Variants in CCDC33 observed in about 807,000 individuals in gnomAD.
CCDC33 encodes the protein coiled-coil domain containing 33.
A neutral mutation model predicts 91.9 loss-of-function variants in CCDC33; 94 were observed. That is an observed-to-expected ratio of 1.02 (90% CI 0.87 to 1.21). The LOEUF is 1.21. Ranked by LOEUF, CCDC33 falls within the 50% of genes most tolerant of loss-of-function variation. The probability of loss-of-function intolerance (pLI) is 0.00; values close to 1 mark genes in which losing one functional copy is unlikely to be tolerated. For synonymous variants in CCDC33, 396 were observed against 374.5 expected (o/e 1.06, Z -0.66); for missense variants, 940 against 935.5 (o/e 1.00, Z -0.06).
At chr15:74,327,432 C>T (rs2060332523) in intron 11 of CCDC33, among the ~76,000 whole-genome samples, 1 of 152,040 alleles carries the variant, frequency 6.6e-6, no homozygotes, top group Non-Finnish European at 1.5e-5. Context: ...GTCAGGAGTT[C>T]GAGACTAGCC....
intron 3 of CCDC33, among the ~76,000 whole-genome samples, chr15:74,265,113 G>C (rs1004161516): frequency 6.6e-6 from 1 of 152,164 alleles, no homozygotes; most frequent in Non-Finnish European, 1.5e-5. Context: ...AAAGCCCTCA[G>C]CTTCCTTCTC....
intron 10 of CCDC33, among the ~76,000 whole-genome samples, chr15:74,286,065 G>A (rs1315258922): frequency 1.3e-5 from 2 of 152,142 alleles, no homozygotes; most frequent in Non-Finnish European, 2.9e-5. Context: ...GGCCAACATG[G>A]TGAAACCCTG....
At chr15:74,267,446 C>T (rs1284011090) in intron 4 of CCDC33, among the ~76,000 whole-genome samples, 2 of 152,218 alleles carry the variant, frequency 1.3e-5, no homozygotes, top group African/African-American at 4.8e-5. Context: ...TGAGGCTCCT[C>T]ACTCCAAGGT....
In CCDC33 at chr15:74,304,897, C is replaced by T. The variant is rs561183844; in HGVS notation, c.1290+8949C>T. ...GCTCCACGCTTCTAGAACACTCTGT[C>T]GGTACCCAAGACCCCCGAATGGGCC... On this transcript the variant is annotated intron_variant, in intron 11 of 18. Transcript: ENST00000398814. 5.3e-5 allele frequency among the ~76,000 whole-genome samples: 8 copies of T among 152,238 alleles called. No individual in the cohort carries two copies. In the South Asian group the frequency reaches 1.0e-3, roughly 20 times the overall value.
intron 2 of CCDC33, among the ~76,000 whole-genome samples, chr15:74,246,427 A>G (rs540708473): frequency 6.6e-6 from 1 of 152,394 alleles, no homozygotes; most frequent in African/African-American, 2.4e-5. Flanking sequence ...GTATCGGATA[A>G]GGAGTTAATA....
At chr15:74,334,267 G>T (rs2060508357) in intron 17 of CCDC33, among the ~76,000 whole-genome samples, 1 of 151,510 alleles carries the variant, frequency 6.6e-6, no homozygotes, top group Non-Finnish European at 1.5e-5. Flanking sequence ...ACCAGGGTTA[G>T]GGTTCAGTGT....
At chr15:74,254,638 C>T (rs1000516598) in intron 2 of CCDC33, among the ~76,000 whole-genome samples, 1 of 152,190 alleles carries the variant, frequency 6.6e-6, no homozygotes, top group African/African-American at 2.4e-5. Context: ...ATTTTCTACC[C>T]TGTCTCTGGC....
chr15:74,294,014 G>A (rs2059632911), intron 10 of CCDC33, among the ~76,000 whole-genome samples: 1 of 152,246 alleles, frequency 6.6e-6, no homozygotes, highest in Non-Finnish European at 1.5e-5. Flanking sequence ...CAGTGGTAAA[G>A]TGAAGGGTCC....
At position 74,208,118 on chromosome 15, in the gene CCDC33, C is replaced by T. The variant is rs1212844116; in HGVS notation, n.90-1270C>T. 31 of 1,088,962 alleles carry T rather than the reference C, an allele frequency of 2.8e-5. 1 individual carries two copies. In the South Asian group the frequency reaches 5.3e-4, roughly 18 times the overall value. 67.5% of individuals were successfully genotyped at this position (1,088,962 alleles called of 1,614,324 possible). A position where few individuals can be genotyped will look rare whatever the true frequency, so the allele number is the denominator to read the frequency against. On this transcript the variant is annotated intron_variant and non_coding_transcript_variant, in intron 1 of 3. Coordinates refer to the CCDC33 transcript ENST00000558645. ...CACTGGTGAGGAGGAGGAGGGTAGCCGGCTGTGCCAGGGGAGCAGCATGTT... is the reference window on the plus strand; with the variant it reads ...CACTGGTGAGGAGGAGGAGGGTAGCTGGCTGTGCCAGGGGAGCAGCATGTT...
Position 74,250,764 on chromosome 15 carries a change from C to T in CCDC33, c.185+6616C>T, listed in dbSNP as rs150850827. Among the ~76,000 whole-genome samples, 125 of 152,334 alleles carry T rather than the reference C, an allele frequency of 8.2e-4. 1 individual carries two copies. The highest frequency in any genetic ancestry group is 1.7e-3 in the South Asian group (8 of 4,826). On this transcript the variant is annotated intron_variant, in intron 2 of 18. Coordinates refer to ENST00000398814, the MANE Select transcript of CCDC33 (RefSeq NM_025055.5). The stretch of plus-strand genomic sequence containing the variant: ...TAGGAAGCTGTCACTAAATAATCGT[C>T]GAATGAATCTGGCCCTGTTTCTAGC...
intron 10 of CCDC33, among the ~76,000 whole-genome samples, chr15:74,287,996 C>T (rs909421528): frequency 1.3e-5 from 2 of 152,182 alleles, no homozygotes; most frequent in Non-Finnish European, 2.9e-5. Flanking sequence ...TGTTCCCTGC[C>T]TTGGGGACAA....
Position 74,279,941 on chromosome 15 carries a change from TGCTCCTACC to T in CCDC33, c.760-21_760-13del. ...GGGAGAAGCTGTGGCCCCCACCACC[TGCTCCTACC>T]CTCTCCCTCCAGCTGTCCAAGCCTG... On this transcript the variant is annotated splice_polypyrimidine_tract_variant and intron_variant, in intron 7 of 18. Coordinates refer to ENST00000398814, the MANE Select transcript of CCDC33 (RefSeq NM_025055.5). 6.2e-7 allele frequency: 1 copy of T among 1,608,206 alleles called. No individual in the cohort carries two copies. Among genetic ancestry groups the T allele is most frequent in the Non-Finnish European group, 8.5e-7 (1 of 1,177,384 alleles).
chr15:74,214,404 TG>T (rs369305862), upstream of CCDC33, among the ~76,000 whole-genome samples: 2 of 152,058 alleles, frequency 1.3e-5, no homozygotes, highest in African/African-American at 4.8e-5. Flanking sequence ...TGAACCCCTC[TG>T]GGGAACCAGG....
chr15:74,304,106 C>G (rs2059847218), intron 11 of CCDC33: 1 of 152,310 alleles, frequency 6.6e-6, no homozygotes, highest in Non-Finnish European at 1.5e-5. Flanking sequence ...CTCCACCACT[C>G]CGAAGCTGTG....
rs527598699 is a variant in CCDC33 at position 74,217,619 on chromosome 15, C to T, written c.310+38C>T. 54 of 1,181,038 alleles carry T rather than the reference C, an allele frequency of 4.6e-5. No individual in the cohort carries two copies. The East Asian group carries it at 1.8e-3, about 40-fold the overall frequency. 73.2% of individuals were successfully genotyped at this position (1,181,038 alleles called of 1,614,324 possible). On this transcript the variant is annotated intron_variant, in intron 1 of 2. Coordinates refer to the CCDC33 transcript ENST00000635913. ...GGTGGGGTTTGGGGGAGAGAAAGAC[C>T]CTGGAACTCCTGCCTGAGTCCCTTT...
intron 2 of CCDC33, among the ~76,000 whole-genome samples, chr15:74,227,235 C>T (rs2074830155): frequency 6.6e-6 from 1 of 152,192 alleles, no homozygotes; most frequent in African/African-American, 2.4e-5. Flanking sequence ...GAATCCAGAT[C>T]ACCATATATT....
intron 2 of CCDC33, among the ~76,000 whole-genome samples, chr15:74,247,085 C>T (rs1049520114): frequency 4.0e-5 from 6 of 151,454 alleles, no homozygotes; most frequent in African/African-American, 7.3e-5. Flanking sequence ...GCAGAGGTTG[C>T]AGTGAGCCAA....
At chr15:74,258,719 T>C (rs897948361) in intron 2 of CCDC33, among the ~76,000 whole-genome samples, 1 of 152,152 alleles carries the variant, frequency 6.6e-6, no homozygotes, top group Non-Finnish European at 1.5e-5. Context: ...GGAAAGCGGC[T>C]CATGAGCACT....
At position 74,297,692 on chromosome 15, in the gene CCDC33, T is replaced by C. The variant is rs193091791; in HGVS notation, c.1290+1744T>C. Among the ~76,000 whole-genome samples, 3 of 151,548 alleles carry C rather than the reference T, an allele frequency of 2.0e-5. No homozygotes were observed. In the East Asian group the frequency reaches 5.8e-4, roughly 29 times the overall value. On this transcript the variant is annotated intron_variant, in intron 11 of 18. Transcript: ENST00000398814. ...TTGGGTGACAGAGCAACACCCTGTC[T>C]CAAGAGAAAAACAAAATAAAAGAAA...
Sources: gnomAD v4.1 joint callset for allele counts (sites outside exome capture counted in the v4.1 genomes callset) on GRCh38, gnomAD v4.1.1 for gene constraint, MANE v1.5 for transcripts, NCBI Gene and HGNC (gene_info 2026-07-23, HGNC 2026-07-21) for gene names.